CHODL: variants seen among roughly 807,000 people sequenced by gnomAD.
CHODL encodes chondrolectin.
A neutral mutation model predicts 34.5 loss-of-function variants in CHODL; 29 were observed. The observed-to-expected ratio is 0.84, with a 90% CI of 0.63 to 1.15. The LOEUF (loss-of-function observed/expected upper bound fraction) is 1.15. Ranked by LOEUF, CHODL falls within the 50% of genes most tolerant of loss-of-function variation. CHODL has a pLI of 0.00. For missense variants in CHODL, 332 were observed against 332.5 expected (o/e 1.00, Z 0.01); for synonymous variants, 125 against 116.1 (o/e 1.08, Z -0.49).
chr21:18,038,463 T>C (rs535618074), intron 2 of CHODL, among the ~76,000 whole-genome samples: 46 of 151,892 alleles, frequency 3.0e-4, no homozygotes, highest in African/African-American at 1.1e-3. Context: ...CAGTTAAATA[T>C]AGTTTTAGCT....
At chr21:18,134,969 T>G (rs2072702494) in intron 2 of CHODL, among the ~76,000 whole-genome samples, 1 of 152,254 alleles carries the variant, frequency 6.6e-6, no homozygotes, top group South Asian at 2.1e-4. Flanking sequence ...GTGCTTTTTC[T>G]TATTAGCCTG....
intron 2 of CHODL, among the ~76,000 whole-genome samples, chr21:18,054,747 C>A (rs2064558071): frequency 6.6e-6 from 1 of 151,918 alleles, no homozygotes; most frequent in African/African-American, 2.4e-5. Context: ...TATATTAATT[C>A]ATTTGATCTA....
chr21:18,077,398 C>A (rs1445325130), intron 2 of CHODL, among the ~76,000 whole-genome samples: 1 of 152,030 alleles, frequency 6.6e-6, no homozygotes, highest in African/African-American at 2.4e-5. Context: ...AATGCTGGAG[C>A]AAGTTAAGAT....
chr21:17,968,593 G>A (rs534997321), intron 1 of CHODL, among the ~76,000 whole-genome samples: 1 of 152,136 alleles, frequency 6.6e-6, no homozygotes, highest in South Asian at 2.1e-4. Flanking sequence ...ACCAAAGAAA[G>A]TACAAACCTG....
chr21:18,069,020 T>A (rs942708050), intron 2 of CHODL, among the ~76,000 whole-genome samples: 1 of 151,824 alleles, frequency 6.6e-6, no homozygotes, highest in Non-Finnish European at 1.5e-5. Flanking sequence ...GCCAACACAT[T>A]CAGTAAGTTG....
chr21:18,228,366 T>C (rs971855977), intron 2 of CHODL, among the ~76,000 whole-genome samples: 1 of 152,130 alleles, frequency 6.6e-6, no homozygotes, highest in Non-Finnish European at 1.5e-5. Context: ...TTTTTTTTCT[T>C]AATGTACATC....
intron 1 of CHODL, among the ~76,000 whole-genome samples, chr21:17,931,549 A>G (rs138236533): frequency 6.6e-6 from 1 of 152,242 alleles, no homozygotes; most frequent in Non-Finnish European, 1.5e-5. Flanking sequence ...ATGGATTCTA[A>G]CCAGAATGAA....
chr21:18,182,077 T>G (rs949671471), intron 2 of CHODL, among the ~76,000 whole-genome samples: 1 of 152,170 alleles, frequency 6.6e-6, no homozygotes, highest in Non-Finnish European at 1.5e-5. Flanking sequence ...CTTTTGAGCC[T>G]ATACCCTAGG....
intron 1 of CHODL, among the ~76,000 whole-genome samples, chr21:17,920,361 A>G (rs1398872501): frequency 1.3e-5 from 2 of 152,258 alleles, no homozygotes; most frequent in African/African-American, 4.8e-5. Context: ...AAGGAGGAGC[A>G]AGTCATGTCT....
At chr21:17,960,943 C>A (rs1486536836) in intron 1 of CHODL, among the ~76,000 whole-genome samples, 3 of 152,266 alleles carry the variant, frequency 2.0e-5, no homozygotes, top group African/African-American at 7.2e-5. Flanking sequence ...GGAGTTAGTT[C>A]AGGTCTTCAT....
intron 1 of CHODL, among the ~76,000 whole-genome samples, chr21:17,942,102 A>G (rs1312308732): frequency 1.3e-5 from 2 of 152,254 alleles, no homozygotes; most frequent in Non-Finnish European, 2.9e-5. Context: ...AACAATGCAG[A>G]TAGAAAAAGT....
chr21:18,229,279 T>G (rs1277746392), intron 2 of CHODL, among the ~76,000 whole-genome samples: 2 of 152,190 alleles, frequency 1.3e-5, no homozygotes, highest in Non-Finnish European at 2.9e-5. Flanking sequence ...TGTGATAATT[T>G]TGAATAGCAA....
intron 2 of CHODL, among the ~76,000 whole-genome samples, chr21:18,141,402 A>T (rs147291723): frequency 3.9e-4 from 60 of 152,260 alleles, no homozygotes; most frequent in Admixed American, 9.8e-4. Flanking sequence ...GCCACTCCAC[A>T]CACTGGAGTG....
chr21:17,999,830 G>GA (rs1319701956), intron 1 of CHODL, among the ~76,000 whole-genome samples: 8 of 152,188 alleles, frequency 5.3e-5, no homozygotes, highest in African/African-American at 1.4e-4. Context: ...CCTTCAGCCA[G>GA]AAAATCTCTC....
intron 2 of CHODL, among the ~76,000 whole-genome samples, chr21:18,081,967 CAT>C (rs781720312): frequency 6.6e-6 from 1 of 152,116 alleles, no homozygotes; most frequent in Non-Finnish European, 1.5e-5. Context: ...TATTGATTTG[CAT>C]ATGTTTAACC....
intron 2 of CHODL, among the ~76,000 whole-genome samples, chr21:18,200,747 T>C (rs996545865): frequency 1.3e-5 from 2 of 152,188 alleles, no homozygotes; most frequent in Non-Finnish European, 2.9e-5. Flanking sequence ...AAATAGTGTC[T>C]TTGAAATTTA....
intron 2 of CHODL, among the ~76,000 whole-genome samples, chr21:18,179,826 A>T (rs549824524): frequency 1.8e-4 from 28 of 152,300 alleles, no homozygotes; most frequent in African/African-American, 6.5e-4. Context: ...TAACACTGTA[A>T]TTTTTAATTT....
At chr21:18,126,382 A>G (rs1218670850) in intron 2 of CHODL, among the ~76,000 whole-genome samples, 6 of 152,218 alleles carry the variant, frequency 3.9e-5, no homozygotes, top group African/African-American at 1.4e-4. Context: ...TGTAAATATA[A>G]CTTTTATATA....
intron 2 of CHODL, among the ~76,000 whole-genome samples, chr21:18,190,839 T>C (rs1982776863): frequency 1.3e-5 from 2 of 152,200 alleles, no homozygotes; most frequent in South Asian, 4.1e-4. Context: ...GTAAGATTTG[T>C]AATATGATGG....
Sources: allele counts gnomAD v4.1 joint callset (sites outside exome capture counted in the v4.1 genomes callset), GRCh38; gene constraint gnomAD v4.1.1; transcripts MANE v1.5; gene names NCBI Gene and HGNC (gene_info 2026-07-23, HGNC 2026-07-21).